The following CREB5 variants were observed in gnomAD, a reference collection of about 807,000 sequenced individuals.
The protein encoded by CREB5 is cAMP responsive element binding protein 5.
A neutral mutation model predicts 57.1 loss-of-function variants in CREB5; 19 were observed. That is an observed-to-expected ratio of 0.33 (90% CI 0.23 to 0.49). CREB5 has a LOEUF of 0.49. CREB5 is among the 20% of genes least tolerant of loss of function. CREB5 has a pLI of 0.99. For missense variants in CREB5, 579 were observed against 671.6 expected (o/e 0.86, Z 1.52); for synonymous variants, 238 against 238.3 (o/e 1.00, Z 0.01).
At position 28,412,735 on chromosome 7, in the gene CREB5, T is replaced by C. The variant is rs1040022608; in HGVS notation, c.-180T>C. On this transcript the variant is annotated 5_prime_UTR_variant, in exon 1 of 11. Coordinates refer to ENST00000357727, the MANE Select transcript of CREB5 (RefSeq NM_182898.4). ...AGAAGTAATTGTAAAATACCAGACCTGTTCTTTTTACTAAAAGCTAGTTTC... is the reference window on the plus strand; with the variant it reads ...AGAAGTAATTGTAAAATACCAGACCCGTTCTTTTTACTAAAAGCTAGTTTC... The C allele has an allele frequency of 4.4e-6, 2 of 454,332 alleles. No homozygotes were observed. Among genetic ancestry groups the C allele is most frequent in the East Asian group, 6.8e-5 (2 of 29,442 alleles). The allele number at this position is 454,332 out of a possible 1,614,324, so 28.1% of individuals were successfully genotyped here.
At chr7:28,560,945 TGTGTGC>T (rs1395386697) in intron 4 of CREB5, among the ~76,000 whole-genome samples, 4 of 23,776 alleles carry the variant, frequency 1.7e-4, no homozygotes, top group Admixed American at 5.1e-4. Context: ...TGCGTGCGTG[TGTGTGC>T]GTGTGTGTGC....
upstream of CREB5, among the ~76,000 whole-genome samples, chr7:28,407,797 T>A (rs1391361882): frequency 6.6e-6 from 1 of 152,178 alleles, no homozygotes. Flanking sequence ...CCATTTAGTA[T>A]GTCAAAACCA....
At chr7:28,627,250 T>A in intron 5 of CREB5, among the ~76,000 whole-genome samples, 1 of 152,372 alleles carries the variant, frequency 6.6e-6, no homozygotes, top group South Asian at 2.1e-4. Context: ...TAGCCCAGCA[T>A]TTGATAGAGA....
At chr7:28,727,794 C>A (rs1803406650) in intron 7 of CREB5, among the ~76,000 whole-genome samples, 1 of 152,168 alleles carries the variant, frequency 6.6e-6, no homozygotes, top group Non-Finnish European at 1.5e-5. Flanking sequence ...CCACTCTGCC[C>A]AGGTTTCACC....
chr7:28,440,421 G>C (rs1187984174), intron 1 of CREB5, among the ~76,000 whole-genome samples: 1 of 152,138 alleles, frequency 6.6e-6, no homozygotes, highest in Admixed American at 6.5e-5. Flanking sequence ...AAGGGCTTCA[G>C]TTAATATCAC....
intron 5 of CREB5, among the ~76,000 whole-genome samples, chr7:28,700,006 G>A (rs561151232): frequency 6.6e-6 from 1 of 152,174 alleles, no homozygotes; most frequent in Non-Finnish European, 1.5e-5. Flanking sequence ...CCAATTTGGT[G>A]TATACAAGGG....
At chr7:28,360,807 G>A (rs1213861942) in intron 1 of CREB5, among the ~76,000 whole-genome samples, 3 of 152,174 alleles carry the variant, frequency 2.0e-5, no homozygotes, top group African/African-American at 7.2e-5. Context: ...AGCAGTTTGT[G>A]TTCTGGGTTG....
intron 4 of CREB5, among the ~76,000 whole-genome samples, chr7:28,519,513 G>T (rs894103202): frequency 7.4e-6 from 1 of 134,744 alleles, no homozygotes; most frequent in African/African-American, 2.5e-5. Flanking sequence ...GGTGAACTTA[G>T]AGTTGATTTA....
At chr7:28,550,531 T>C (rs1289200771) in intron 4 of CREB5, among the ~76,000 whole-genome samples, 2 of 152,188 alleles carry the variant, frequency 1.3e-5, no homozygotes, top group African/African-American at 4.8e-5. Context: ...GGTCGAGCTC[T>C]CCTCAGCCTC....
chr7:28,449,186 G>A (rs564052782), intron 1 of CREB5, among the ~76,000 whole-genome samples: 5 of 152,200 alleles, frequency 3.3e-5, no homozygotes, highest in Admixed American at 2.6e-4. Context: ...CTCACTAAAG[G>A]CAATCTTCTC....
At chr7:28,503,561 A>C (rs1319467208) in intron 3 of CREB5, among the ~76,000 whole-genome samples, 2 of 151,986 alleles carry the variant, frequency 1.3e-5, no homozygotes, top group Non-Finnish European at 2.9e-5. Context: ...ATTCATAGAG[A>C]GGTAAAGAGA....
chr7:28,431,648 G>A (rs1312291389), intron 1 of CREB5, among the ~76,000 whole-genome samples: 1 of 152,106 alleles, frequency 6.6e-6, no homozygotes, highest in African/African-American at 2.4e-5. Context: ...TTAACTTGCC[G>A]GTTCACAGAT....
chr7:28,572,191 A>G (rs1176219183), intron 5 of CREB5, among the ~76,000 whole-genome samples: 3 of 152,204 alleles, frequency 2.0e-5, no homozygotes, highest in Non-Finnish European at 4.4e-5. Context: ...GTAATGGGTA[A>G]TGGGTAATGA....
rs149752058 is a variant in CREB5 at position 28,426,400 on chromosome 7, T to G, written c.3+13483T>G. Among the ~76,000 whole-genome samples the G allele has an allele frequency of 5.4e-3, 829 of 152,340 alleles. 4 individuals are homozygous for G. The highest frequency in any genetic ancestry group is 0.01 in the Middle Eastern group (3 of 294). Reference sequence around the variant, plus strand: ...ATAGCTCTGAACATCCCATTTCCCTTTTCAAGAACCTTCACTGGTGCCCTG... The same window carrying G: ...ATAGCTCTGAACATCCCATTTCCCTGTTCAAGAACCTTCACTGGTGCCCTG... On this transcript the variant is annotated intron_variant, in intron 1 of 10. Coordinates refer to ENST00000357727, the MANE Select transcript of CREB5 (RefSeq NM_182898.4).
chr7:28,663,496 G>A (rs535154054), intron 5 of CREB5, among the ~76,000 whole-genome samples: 2 of 152,174 alleles, frequency 1.3e-5, no homozygotes, highest in South Asian at 4.2e-4. Context: ...GTGAGCCACC[G>A]CACTCGGCCA....
intron 4 of CREB5, among the ~76,000 whole-genome samples, chr7:28,536,248 G>C (rs1011329397): frequency 2.0e-5 from 3 of 152,186 alleles, no homozygotes; most frequent in African/African-American, 4.8e-5. Context: ...AGTCTCAAAA[G>C]AACAGTGGGA....
intron 1 of CREB5, among the ~76,000 whole-genome samples, chr7:28,375,497 A>G (rs1388339365): frequency 6.6e-6 from 1 of 152,212 alleles, no homozygotes; most frequent in African/African-American, 2.4e-5. Flanking sequence ...TTTTAAAATA[A>G]CTAAAAGAGT....
chr7:28,560,929 C>CGCGT (rs1554344495), intron 4 of CREB5, among the ~76,000 whole-genome samples: 437 of 30,366 alleles, frequency 0.014, 36 homozygotes, highest in Non-Finnish European at 0.019. Flanking sequence ...TGTGCGCGTG[C>CGCGT]GTGTGTGCGT....
intron 7 of CREB5, among the ~76,000 whole-genome samples, chr7:28,763,856 C>T (rs1805807273): frequency 6.6e-6 from 1 of 151,476 alleles, no homozygotes; most frequent in African/African-American, 2.4e-5. Flanking sequence ...GGCTGGAGTA[C>T]ATGGCATGAT....
Sources: allele counts gnomAD v4.1 joint callset (sites outside exome capture counted in the v4.1 genomes callset), GRCh38; gene constraint gnomAD v4.1.1; transcripts MANE v1.5; gene names NCBI Gene and HGNC (gene_info 2026-07-23, HGNC 2026-07-21).